The following COL13A1 variants were observed in gnomAD, a reference collection of about 807,000 sequenced individuals.
COL13A1 encodes the protein collagen alpha-1(XIII) chain.
COL13A1 carries 89 observed loss-of-function variants against 130.9 expected under a neutral mutation model. That is an observed-to-expected ratio of 0.68 (90% CI 0.57 to 0.81). COL13A1 has a LOEUF of 0.81. Among genes scored for constraint, COL13A1 ranks in the 30% least tolerant of loss-of-function variants. The probability of loss-of-function intolerance (pLI) is 0.00; values close to 1 mark genes in which losing one functional copy is unlikely to be tolerated. For synonymous variants in COL13A1, 402 were observed against 341.6 expected (o/e 1.18, Z -1.95); for missense variants, 879 against 934.6 (o/e 0.94, Z 0.78).
chr10:69,823,622 A>C (rs1846698982), intron 2 of COL13A1, among the ~76,000 whole-genome samples: 1 of 152,200 alleles, frequency 6.6e-6, no homozygotes, highest in Non-Finnish European at 1.5e-5. Flanking sequence ...GATGTTAAGC[A>C]TATGGGAAAC....
At chr10:69,802,948 G>A (rs1013438659) in intron 1 of COL13A1, among the ~76,000 whole-genome samples, 2 of 152,220 alleles carry the variant, frequency 1.3e-5, no homozygotes, top group African/African-American at 4.8e-5. Context: ...AAGCGCCCCC[G>A]GCTTCCAGCG....
intron 36 of COL13A1, among the ~76,000 whole-genome samples, chr10:69,945,261 G>A (rs1014261515): frequency 1.3e-5 from 2 of 152,230 alleles, no homozygotes; most frequent in East Asian, 1.9e-4. Flanking sequence ...AAGCTTCTCC[G>A]TGACCACCAG....
intron 14 of COL13A1, among the ~76,000 whole-genome samples, chr10:69,899,004 GCACCCTGTTACCCATTTC>G: frequency 1.8e-4 from 28 of 152,158 alleles, no homozygotes; most frequent in Admixed American, 1.8e-3. Context: ...TGTGTGCCAG[GCACCCTGTTACCCATTTC>G]ACAGGCCTGG....
chr10:69,953,271 C>T (rs1377138096), intron 39 of COL13A1, among the ~76,000 whole-genome samples: 1 of 152,232 alleles, frequency 6.6e-6, no homozygotes, highest in Non-Finnish European at 1.5e-5. Context: ...GGCCTCAGCT[C>T]TTAGCTCCAG....
intron 3 of COL13A1, among the ~76,000 whole-genome samples, chr10:69,871,114 C>T (rs2059025776): frequency 6.6e-6 from 1 of 152,062 alleles, no homozygotes; most frequent in African/African-American, 2.4e-5. Flanking sequence ...AGGTCACTAC[C>T]CCACTTCTCA....
intron 4 of COL13A1, among the ~76,000 whole-genome samples, chr10:69,872,556 C>T (rs1001287913): frequency 6.6e-6 from 1 of 152,234 alleles, no homozygotes; most frequent in African/African-American, 2.4e-5. Flanking sequence ...GGCACACTGA[C>T]TATCCCCCTG....
At chr10:69,876,256 A>G (rs2059558274) in intron 5 of COL13A1, among the ~76,000 whole-genome samples, 1 of 152,196 alleles carries the variant, frequency 6.6e-6, no homozygotes, top group Non-Finnish European at 1.5e-5. Flanking sequence ...TCGCACAGTC[A>G]GGAAGTGGCT....
intron 2 of COL13A1, among the ~76,000 whole-genome samples, chr10:69,857,054 G>T (rs915992236): frequency 6.6e-6 from 1 of 152,122 alleles, no homozygotes; most frequent in Non-Finnish European, 1.5e-5. Context: ...CCTCTGACCC[G>T]TGCTGGAGGC....
At chr10:69,840,637 C>T (rs1157309118) in intron 2 of COL13A1, among the ~76,000 whole-genome samples, 1 of 152,190 alleles carries the variant, frequency 6.6e-6, no homozygotes, top group African/African-American at 2.4e-5. Context: ...GGAAGTCCTG[C>T]TTCTCACAGC....
At chr10:69,810,378 G>C (rs1185185772) in intron 1 of COL13A1, among the ~76,000 whole-genome samples, 2 of 151,182 alleles carry the variant, frequency 1.3e-5, no homozygotes, top group Non-Finnish European at 1.5e-5. Context: ...GAGAGAGAGA[G>C]AGACAGAGAG....
At chr10:69,861,415 C>G (rs10823444) in intron 2 of COL13A1, among the ~76,000 whole-genome samples, 35,060 of 152,092 alleles carry the variant, frequency 0.23, 4,552 homozygotes, top group East Asian at 0.55. Context: ...GCTCCTGTCC[C>G]TTCCTTGCTC....
chr10:69,895,437 G>C (rs904507392), intron 12 of COL13A1, 113 bp from the exon 13 acceptor site: 27 of 1,148,428 alleles, frequency 2.4e-5, no homozygotes, highest in Non-Finnish European at 3.6e-5. Context: ...TAGAGCAGGA[G>C]GGCTGGTGAG....
At chr10:69,923,671 G>T in intron 23 of COL13A1, 131 bp from the exon 24 acceptor site, 1 of 1,190,114 alleles carries the variant, frequency 8.4e-7, no homozygotes, top group South Asian at 1.4e-5. Flanking sequence ...AGAGTGGGAG[G>T]TGCAGAAGCC....
chr10:69,928,697 G>C (rs143830234), intron 27 of COL13A1, among the ~76,000 whole-genome samples: 1 of 152,096 alleles, frequency 6.6e-6, no homozygotes, highest in Non-Finnish European at 1.5e-5. Context: ...AGAAGGAGAG[G>C]GTATTGGACA....
At chr10:69,935,432 C>G (rs994168699) in intron 32 of COL13A1, 41 bp downstream of exon 32, 4 of 1,436,034 alleles carry the variant, frequency 2.8e-6, no homozygotes, top group African/African-American at 1.4e-5. Flanking sequence ...CCACTAATGT[C>G]CCCTCTCCAC....
chr10:69,897,172 C>T (rs1031098553), intron 13 of COL13A1, among the ~76,000 whole-genome samples: 2 of 151,614 alleles, frequency 1.3e-5, no homozygotes, highest in South Asian at 2.1e-4. Context: ...ACATGTCAAG[C>T]GTGGGGTGGG....
Position 69,925,718 on chromosome 10 carries a change from AG to A in COL13A1, c.1330-85del. Reference sequence around the variant, plus strand: ...CACCCATGTGCAGCTAGGTGCAGCCAGTGTGGGCTGATAGAGAGCAGGCCAC... The same window carrying A: ...CACCCATGTGCAGCTAGGTGCAGCCATGTGGGCTGATAGAGAGCAGGCCAC... On this transcript the variant is annotated intron_variant, in intron 25 of 40. Coordinates refer to ENST00000645393, the MANE Select transcript of COL13A1 (RefSeq NM_001368882.1). The A allele has an allele frequency of 3.1e-6, 3 of 955,798 alleles. No homozygotes were observed. In the Admixed American group the frequency reaches 6.1e-5, roughly 19 times the overall value. 59.2% of individuals were successfully genotyped at this position (955,798 alleles called of 1,614,324 possible).
rs551705189 is a variant in COL13A1 at position 69,834,892 on chromosome 10, A to G, written c.364+12454A>G. Among the ~76,000 whole-genome samples the G allele has an allele frequency of 3.7e-4, 57 of 152,316 alleles. 1 individual carries two copies. Among genetic ancestry groups the G allele is most frequent in the African/African-American group, 1.2e-3 (48 of 41,574 alleles). ...CCATTCTGAGCTTGTGGACTTAGAG[A>G]AGAAAGACCTTACCTGTAGCCATCG... On this transcript the variant is annotated intron_variant, in intron 2 of 40. Coordinates refer to ENST00000645393, the MANE Select transcript of COL13A1 (RefSeq NM_001368882.1).
Position 69,829,419 on chromosome 10 carries a change from G to T in COL13A1, c.364+6981G>T, listed in dbSNP as rs150708115. Among the ~76,000 whole-genome samples the T allele has an allele frequency of 2.7e-3, 405 of 152,314 alleles. 5 individuals are homozygous for T. Among genetic ancestry groups the T allele is most frequent in the African/African-American group, 7.5e-3 (312 of 41,570 alleles). On this transcript the variant is annotated intron_variant, in intron 2 of 40. Transcript: ENST00000645393. ...GACCCCCCTCGCCATGATCCCTTCT[G>T]CATTCCCAGCAGGCCCCCTGGCAGC...
Sources: allele counts gnomAD v4.1 joint callset (sites outside exome capture counted in the v4.1 genomes callset), GRCh38; gene constraint gnomAD v4.1.1; transcripts MANE v1.5; gene names NCBI Gene and HGNC (gene_info 2026-07-23, HGNC 2026-07-21).